The following AMOTL2 variants were observed in gnomAD, a reference collection of about 807,000 sequenced individuals.
The protein encoded by AMOTL2 is angiomotin-like protein 2.
A neutral mutation model predicts 78.4 loss-of-function variants in AMOTL2; 33 were observed. The observed-to-expected ratio is 0.42, with a 90% CI of 0.32 to 0.56. The LOEUF (loss-of-function observed/expected upper bound fraction) is 0.56. Ranked by LOEUF, AMOTL2 falls within the 20% of genes least tolerant of loss-of-function variation. AMOTL2 has a pLI of 0.12. For missense variants in AMOTL2, 983 were observed against 1,030.1 expected, an observed-to-expected ratio of 0.95 and a Z score of 0.63; for synonymous variants, 422 against 428.8, an observed-to-expected ratio of 0.98 and a Z score of 0.20.
chr3:134,374,267 C>T lies in AMOTL2; in HGVS notation c.-62+75G>A, dbSNP rs1247306785. On this transcript the variant is annotated intron_variant, in intron 1 of 9. Transcript: ENST00000249883. ...ACTCCCGGAAAAGGCCGGGTTGCGC[C>T]GAGACTCCAGCTTTGGCTGGGGCAC... 7 of 985,334 alleles carry T rather than the reference C, an allele frequency of 7.1e-6. No individual in the cohort carries two copies. The Admixed American group carries it at 1.8e-4, about 26-fold the overall frequency. 61.0% of individuals were successfully genotyped at this position (985,334 alleles called of 1,614,324 possible).
At chr3:134,366,500 TC>T (rs2017611141) in intron 3 of AMOTL2, 73 bp from the exon 4 acceptor site, 1 of 1,488,560 alleles carries the variant, frequency 6.7e-7, no homozygotes. Flanking sequence ...GACCCACTAC[TC>T]TCCATCAGAA....
intron 2 of AMOTL2, 126 bp downstream of exon 2, chr3:134,370,574 C>T: frequency 7.9e-7 from 1 of 1,259,538 alleles, no homozygotes; most frequent in East Asian, 2.5e-5. Flanking sequence ...GCTCTCCCTT[C>T]TCAGGTTGGA....
In AMOTL2 at chr3:134,367,661, C is replaced by A; in HGVS notation, c.877G>T (p.Val293Leu). ...GPLSSLSPPA[V>L]EGPVSAQASS... ...GCCTGGGCACTCACTGGCCCCTCCA[C>A]AGCAGGTGGACTGAGGGAGCTCAGG... Residue 293 changes from valine (V) to leucine (L), a missense_variant, in exon 3 of 10, where the codon GTG becomes TTG. Physicochemically the swap from Val to Leu is conservative, Grantham distance 32. Transcript: ENST00000249883. The A allele has an allele frequency of 6.2e-7, 1 of 1,613,500 alleles. No individual in the cohort carries two copies. The highest frequency in any genetic ancestry group is 1.3e-5 in the African/African-American group (1 of 75,046).
At chr3:134,359,260 T>C (rs759342034) in intron 8 of AMOTL2, 23 bp downstream of exon 8, 1 of 1,611,850 alleles carries the variant, frequency 6.2e-7, no homozygotes. Flanking sequence ...TCTCAATCTA[T>C]CCCAGCAGTA....
chr3:134,358,428 G>GT (rs1460946982), intron 9 of AMOTL2, 112 bp downstream of exon 9: 8 of 1,298,412 alleles, frequency 6.2e-6, no homozygotes, highest in East Asian at 5.0e-5. Context: ...TCCCCATGGA[G>GT]TGCGGGCAAT....
At chr3:134,369,260 C>T (rs1401410936) in intron 2 of AMOTL2, among the ~76,000 whole-genome samples, 2 of 152,202 alleles carry the variant, frequency 1.3e-5, no homozygotes, top group Non-Finnish European at 2.9e-5. Context: ...AATGGCCATT[C>T]TCAAGGTTGC....
At position 134,358,696 on chromosome 3, in the gene AMOTL2, G is replaced by A. The variant is rs772870013; in HGVS notation, c.2128C>T (p.Pro710Ser). The A allele has an allele frequency of 2.9e-5, 47 of 1,614,042 alleles. No individual in the cohort carries two copies. The East Asian group carries it at 1.0e-3, about 35-fold the overall frequency. Residue 710 changes from proline (P) to serine (S), a missense_variant, in exon 9 of 10, where the codon CCA becomes TCA. Physicochemically the swap from Pro to Ser is moderately conservative, Grantham distance 74. Coordinates refer to ENST00000249883, the MANE Select transcript of AMOTL2 (RefSeq NM_016201.4). ...TTADRAPTEE[P>S]VVTAPPAAHA... ...GCAGCAGGGGGAGCTGTGACCACTGGCTCCTCTGTGGGTGCTCTGTCTGCT... is the reference window on the plus strand; with the variant it reads ...GCAGCAGGGGGAGCTGTGACCACTGACTCCTCTGTGGGTGCTCTGTCTGCT...
At chr3:134,361,857 C>T (rs758053599) in intron 5 of AMOTL2, 50 bp from the exon 6 acceptor site, 2 of 1,462,512 alleles carry the variant, frequency 1.4e-6, no homozygotes, top group Non-Finnish European at 9.1e-7. Flanking sequence ...GTTGGCTGGC[C>T]CCATTGCCTC....
chr3:134,370,884 A>C lies in AMOTL2; in HGVS notation c.550T>G (p.Phe184Val). Residue 184 changes from phenylalanine (F) to valine (V), a missense_variant, in exon 2 of 10, where the codon TTC (phenylalanine) becomes GTC (valine). By Grantham distance (50) the Phe-to-Val change is conservative. Transcript: ENST00000249883. ...APSHMSSSHS[F>V]PQLARNQQGP... ...TGCTGGTTGCGGGCCAGCTGTGGGA[A>C]GCTGTGGGAGGAGCTCATGTGGCTG... 1 of 1,611,172 alleles carries C rather than the reference A, an allele frequency of 6.2e-7. No homozygotes were observed.
chr3:134,360,753 G>A (rs995827199), intron 6 of AMOTL2, among the ~76,000 whole-genome samples: 2 of 152,230 alleles, frequency 1.3e-5, no homozygotes, highest in African/African-American at 4.8e-5. Flanking sequence ...GGGTAGGTTT[G>A]GGAGTGGAGA....
chr3:134,357,894 A>C, intron 9 of AMOTL2, 131 bp from the exon 10 acceptor site: 1 of 905,688 alleles, frequency 1.1e-6, no homozygotes, highest in South Asian at 1.5e-5. Context: ...GGTTCCCAGA[A>C]CTCGGCCAAC....
At position 134,355,415 on chromosome 3, in the gene AMOTL2, T is replaced by C. The variant is rs1255733100; in HGVS notation, c.*2290A>G. ...CCTGAGCATCAGGAAAGAGTGGTGA[T>C]GTCACAGCAAAGGAGGGAGGCGGTG... On this transcript the variant is annotated 3_prime_UTR_variant, in exon 10 of 10. Transcript: ENST00000249883. Among the ~76,000 whole-genome samples, 1 of 152,168 alleles carries C rather than the reference T, an allele frequency of 6.6e-6. No homozygotes were observed. The highest frequency in any genetic ancestry group is 1.9e-4 in the East Asian group (1 of 5,188).
In AMOTL2 at chr3:134,367,584, C is replaced by T. The variant is rs2017666889; in HGVS notation, c.954G>A (p.Leu318=). The T allele has an allele frequency of 3.1e-6, 5 of 1,613,458 alleles. No homozygotes were observed. In the African/African-American group the frequency reaches 4.0e-5, roughly 13 times the overall value. ...SAHLAQMEAV[L]RENARLQRDN... is the part of the protein sequence containing the mutation. The stretch of plus-strand genomic sequence containing the variant: ...CTCTCTGCAGCCTGGCATTCTCCCT[C>T]AGCACGGCCTCCATCTGGGCCAGGT... Residue 318 remains leucine, a synonymous_variant, in exon 3 of 10, where the codon CTG becomes CTA. Coordinates refer to ENST00000249883, the MANE Select transcript of AMOTL2 (RefSeq NM_016201.4).
At chr3:134,369,515 C>T (rs748026031) in intron 2 of AMOTL2, among the ~76,000 whole-genome samples, 3 of 152,188 alleles carry the variant, frequency 2.0e-5, no homozygotes, top group Non-Finnish European at 2.9e-5. Flanking sequence ...ACTCAGCTTC[C>T]GAAACTCTTC....
intron 8 of AMOTL2, 32 bp from the exon 9 acceptor site, chr3:134,358,751 C>A (rs779162192): frequency 3.1e-6 from 5 of 1,611,712 alleles, no homozygotes; most frequent in Non-Finnish European, 4.2e-6. Context: ...TATTGCCATG[C>A]CTGTAAGATG....
At position 134,360,102 on chromosome 3, in the gene AMOTL2, G is replaced by A. The variant is rs573334002; in HGVS notation, c.1883+4C>T. The A allele has an allele frequency of 1.4e-4, 225 of 1,600,608 alleles. 2 individuals are homozygous for A. In the South Asian group the frequency reaches 1.9e-3, roughly 14 times the overall value. ...CCTCAGGTGCCTGGCCTGCAATGCC[G>A]AACCTGCTTTCCATCTCCTGATGCC... On this transcript the variant is annotated splice_donor_region_variant and intron_variant, in intron 7 of 9. Coordinates refer to ENST00000249883, the MANE Select transcript of AMOTL2 (RefSeq NM_016201.4).
At chr3:134,370,397 T>C (rs865886753) in intron 2 of AMOTL2, among the ~76,000 whole-genome samples, 6 of 152,258 alleles carry the variant, frequency 3.9e-5, no homozygotes, top group Admixed American at 3.9e-4. Flanking sequence ...AAGTTCTTTC[T>C]GAAATCTAAC....
intron 7 of AMOTL2, 46 bp downstream of exon 7, chr3:134,360,060 G>T: frequency 3.8e-6 from 6 of 1,562,952 alleles, no homozygotes; most frequent in Non-Finnish European, 4.3e-6. Context: ...ACTGGACATT[G>T]CCACCCACCC....
In AMOTL2 at chr3:134,355,744, A is replaced by C. The variant is rs2017052957; in HGVS notation, c.*1961T>G. 2.0e-5 allele frequency: 3 copies of C among 152,564 alleles called. No individual in the cohort carries two copies. In the South Asian group the frequency reaches 6.2e-4, roughly 32 times the overall value. 9.5% of individuals were successfully genotyped at this position (152,564 alleles called of 1,614,324 possible). A position where few individuals can be genotyped will look rare whatever the true frequency, so the allele number is the denominator to read the frequency against. On this transcript the variant is annotated 3_prime_UTR_variant, in exon 10 of 10. Coordinates refer to ENST00000249883, the MANE Select transcript of AMOTL2 (RefSeq NM_016201.4). ...ACATCCTCATTCCAACTCTATCCTTAATGCAGCTTCACAAAATTCCTAAAT... is the reference window on the plus strand; with the variant it reads ...ACATCCTCATTCCAACTCTATCCTTCATGCAGCTTCACAAAATTCCTAAAT...
Sources: gnomAD v4.1 joint callset for allele counts (sites outside exome capture counted in the v4.1 genomes callset) on GRCh38, gnomAD v4.1.1 for gene constraint, MANE v1.5 for transcripts, NCBI Gene and HGNC (gene_info 2026-07-23, HGNC 2026-07-21) for gene names.